PPP2R2C: variants seen among roughly 807,000 people sequenced by gnomAD.
PPP2R2C encodes protein phosphatase 2, regulatory subunit B, gamma.
Under a neutral mutation model 45.3 loss-of-function variants are expected in PPP2R2C, and 10 were observed. The ratio of observed to expected loss-of-function variants is 0.22; its 90% CI spans 0.14 to 0.37. The LOEUF (loss-of-function observed/expected upper bound fraction) is 0.37, where lower values mean the gene tolerates loss of function less well. Among genes scored for constraint, PPP2R2C ranks in the 10% least tolerant of loss-of-function variants. The pLI, the probability that PPP2R2C is intolerant of heterozygous loss-of-function variation, is 1.00. For missense variants in PPP2R2C, 308 were observed against 619.7 expected, an observed-to-expected ratio of 0.50 and a Z score of 5.34; for synonymous variants, 257 against 245.4, an observed-to-expected ratio of 1.05 and a Z score of -0.44.
intron 1 of PPP2R2C, among the ~76,000 whole-genome samples, chr4:6,391,540 A>G (rs1456415279): frequency 1.3e-5 from 2 of 152,248 alleles, no homozygotes; most frequent in African/African-American, 2.4e-5. Flanking sequence ...ATAAACATTT[A>G]AACTGGGCAC....
chr4:6,439,780 T>C (rs188414750), intron 1 of PPP2R2C, among the ~76,000 whole-genome samples: 322 of 152,308 alleles, frequency 2.1e-3, no homozygotes, highest in African/African-American at 7.7e-3. Context: ...TCCAAGTGCC[T>C]GGACATGACA....
At chr4:6,485,252 C>A (rs1560579952) in intron 2 of PPP2R2C, among the ~76,000 whole-genome samples, 1 of 151,810 alleles carries the variant, frequency 6.6e-6, no homozygotes, top group Admixed American at 6.6e-5. Flanking sequence ...CTGGGATAAA[C>A]CCACTTGGCT....
intron 1 of PPP2R2C, among the ~76,000 whole-genome samples, chr4:6,402,158 G>A (rs1474284697): frequency 6.6e-6 from 1 of 152,200 alleles, no homozygotes; most frequent in Non-Finnish European, 1.5e-5. Context: ...CTGGACGACT[G>A]TGATCTTCAA....
At chr4:6,389,874 C>A (rs886344905) in intron 1 of PPP2R2C, among the ~76,000 whole-genome samples, 1 of 152,136 alleles carries the variant, frequency 6.6e-6, no homozygotes, top group Non-Finnish European at 1.5e-5. Context: ...TGGATTCCAG[C>A]GGTCTGCCTC....
chr4:6,531,430 G>A (rs969176861), intron 2 of PPP2R2C, among the ~76,000 whole-genome samples: 2 of 152,208 alleles, frequency 1.3e-5, no homozygotes, highest in East Asian at 1.9e-4. Flanking sequence ...AAGGAAGCGC[G>A]TCCAGGAGAG....
chr4:6,468,338 T>C (rs1218978302), intron 1 of PPP2R2C, among the ~76,000 whole-genome samples: 1 of 152,170 alleles, frequency 6.6e-6, no homozygotes, highest in Non-Finnish European at 1.5e-5. Flanking sequence ...CAAGCATCCT[T>C]CACTTCCTCA....
At chr4:6,338,846 G>T (rs1435759995) in intron 6 of PPP2R2C, among the ~76,000 whole-genome samples, 1 of 152,190 alleles carries the variant, frequency 6.6e-6, no homozygotes, top group African/African-American at 2.4e-5. Flanking sequence ...GCAGAGAGCA[G>T]AATGCATCGT....
intron 1 of PPP2R2C, among the ~76,000 whole-genome samples, chr4:6,466,707 C>T (rs1339673355): frequency 6.6e-6 from 1 of 152,168 alleles, no homozygotes; most frequent in Non-Finnish European, 1.5e-5. Flanking sequence ...TCTTACCAAA[C>T]ATCCCTTAGC....
chr4:6,329,333 G>T lies in PPP2R2C; in HGVS notation c.981C>A (p.Ser327Arg). The stretch of plus-strand genomic sequence containing the variant: ...CGTTCTCGTACAGGGAACAGAGCTT[G>T]CTCCGAAGGTAGTCATGGACCTGGT... Reference protein sequence around the residue: ...ETYQVHDYLRSKLCSLYENDC... With the variant: ...ETYQVHDYLRRKLCSLYENDC... The change falls in exon 8 of 9, where the codon AGC becomes AGA. Residue 327 changes from serine (S) to arginine (R), a missense_variant. Transcript: ENST00000382599. This position sits in a 1 kb window ranked among gnomAD's most constrained non-coding sequence, Gnocchi z 5.8. The T allele has an allele frequency of 6.2e-7, 1 of 1,614,198 alleles. No homozygotes were observed. The highest frequency in any genetic ancestry group is 8.5e-7 in the Non-Finnish European group (1 of 1,180,002).
rs1201779531 is a variant in PPP2R2C, at chr4:6,471,928, C to T, written c.70+232G>A. Among the ~76,000 whole-genome samples, 1 of 150,950 alleles carries T rather than the reference C, an allele frequency of 6.6e-6. No individual in the cohort carries two copies. Among genetic ancestry groups the T allele is most frequent in the Non-Finnish European group, 1.5e-5 (1 of 67,674 alleles). On this transcript the variant is annotated intron_variant, in intron 1 of 8. Coordinates refer to ENST00000382599, the MANE Select transcript of PPP2R2C (RefSeq NM_020416.4). The surrounding 1 kb of genome is among the most constrained non-coding windows in gnomAD (Gnocchi z 5.6). ...CCGGAGGGCGGCGCGGAGGAGGGCG[C>T]TGCCCTGTGCCGGCGCTGGGCAGCG...
rs560063694 is a variant in PPP2R2C, at chr4:6,364,788, C to T, written c.625+7735G>A. Among the ~76,000 whole-genome samples, 1 of 152,198 alleles carries T rather than the reference C, an allele frequency of 6.6e-6. No individual in the cohort carries two copies. Among genetic ancestry groups the T allele is most frequent in the African/African-American group, 2.4e-5 (1 of 41,524 alleles). ...TGGCTCCTAGACCTAAGAAGGGAGGCCAGTCAGGTCACCATCATGATCAGA... is the reference window on the plus strand; with the variant it reads ...TGGCTCCTAGACCTAAGAAGGGAGGTCAGTCAGGTCACCATCATGATCAGA... On this transcript the variant is annotated intron_variant, in intron 5 of 8. Transcript: ENST00000382599. This position sits in a 1 kb window ranked among gnomAD's most constrained non-coding sequence, Gnocchi z 5.3.
chr4:6,495,716 T>C (rs1363047161), intron 2 of PPP2R2C, among the ~76,000 whole-genome samples: 1 of 152,224 alleles, frequency 6.6e-6, no homozygotes, highest in African/African-American at 2.4e-5. Flanking sequence ...CAAGGCGCTT[T>C]GAAACAGAAC....
At chr4:6,418,083 G>A (rs905755723) in intron 1 of PPP2R2C, among the ~76,000 whole-genome samples, 2 of 152,198 alleles carry the variant, frequency 1.3e-5, no homozygotes, top group Non-Finnish European at 1.5e-5. Flanking sequence ...GAAGTCACTT[G>A]CTTCTTTGGG....
At chr4:6,375,580 T>C (rs1715231907) in intron 4 of PPP2R2C, among the ~76,000 whole-genome samples, 1 of 152,164 alleles carries the variant, frequency 6.6e-6, no homozygotes, top group South Asian at 2.1e-4. Flanking sequence ...AAAAGCACTT[T>C]ACAGCCATAC....
intron 6 of PPP2R2C, among the ~76,000 whole-genome samples, chr4:6,337,510 G>A (rs972819779): frequency 1.3e-5 from 2 of 152,106 alleles, no homozygotes; most frequent in African/African-American, 2.4e-5. Context: ...CTGAGCCAGG[G>A]CGGCCTCTCA....
intron 1 of PPP2R2C, among the ~76,000 whole-genome samples, chr4:6,552,679 A>G (rs898633665): frequency 1.3e-5 from 2 of 152,178 alleles, no homozygotes; most frequent in East Asian, 1.9e-4. Flanking sequence ...CAAGAGCCTT[A>G]ACTTAATCTC....
chr4:6,478,352 G>T (rs186692867), intron 2 of PPP2R2C, among the ~76,000 whole-genome samples: 1 of 152,346 alleles, frequency 6.6e-6, no homozygotes, highest in African/African-American at 2.4e-5. Flanking sequence ...CATGAGACTT[G>T]CTTTGCAGAG....
intron 1 of PPP2R2C, among the ~76,000 whole-genome samples, chr4:6,449,210 C>A (rs1021633044): frequency 6.6e-6 from 1 of 152,152 alleles, no homozygotes; most frequent in African/African-American, 2.4e-5. Flanking sequence ...GCTGTGAATT[C>A]GCAGCACCGT....
intron 5 of PPP2R2C, among the ~76,000 whole-genome samples, chr4:6,357,334 C>A (rs570869114): frequency 6.6e-6 from 1 of 152,274 alleles, no homozygotes; most frequent in East Asian, 1.9e-4. Flanking sequence ...TGAAATGGAC[C>A]CCCTTTTCCT....
Sources: allele counts gnomAD v4.1 joint callset (sites outside exome capture counted in the v4.1 genomes callset), GRCh38; gene constraint gnomAD v4.1.1; non-coding constraint Gnocchi (gnomAD v3.1); transcripts MANE v1.5; gene names NCBI Gene and HGNC (gene_info 2026-07-23, HGNC 2026-07-21).